The following SLC24A2 variants were observed in gnomAD, a reference collection of about 807,000 sequenced individuals.
SLC24A2 encodes the protein solute carrier family 24 member 2.
A neutral mutation model predicts 62.0 loss-of-function variants in SLC24A2; 36 were observed. The observed-to-expected ratio is 0.58, with a 90% CI of 0.44 to 0.77. SLC24A2 has a LOEUF of 0.77. Ranked by LOEUF, SLC24A2 falls within the 30% of genes least tolerant of loss-of-function variation. The pLI, the probability that SLC24A2 is intolerant of heterozygous loss-of-function variation, is 0.00. For missense variants in SLC24A2, 846 were observed against 817.9 expected, an observed-to-expected ratio of 1.03 and a Z score of -0.42; for synonymous variants, 358 against 294.0, an observed-to-expected ratio of 1.22 and a Z score of -2.23.
At chr9:19,573,963 A>C (rs1835933079) in intron 6 of SLC24A2, among the ~76,000 whole-genome samples, 1 of 152,110 alleles carries the variant, frequency 6.6e-6, no homozygotes, top group Non-Finnish European at 1.5e-5. Context: ...TTGATACTGT[A>C]CTCTGGAAAG....
chr9:19,558,255 C>T (rs1835200287), intron 7 of SLC24A2, among the ~76,000 whole-genome samples: 1 of 152,154 alleles, frequency 6.6e-6, no homozygotes, highest in South Asian at 2.1e-4. Flanking sequence ...ATGCCCTCTT[C>T]TCTCCTTTAG....
At chr9:19,851,037 T>TTG in the SLC24A2 span, among the ~76,000 whole-genome samples, 4 of 111,374 alleles carry the variant, frequency 3.6e-5, no homozygotes, top group African/African-American at 1.4e-4. Context: ...ATTTTTTTTT[T>TTG]TTTTTTTGAG....
the SLC24A2 span, among the ~76,000 whole-genome samples, chr9:20,273,591 C>G: frequency 6.6e-6 from 1 of 152,116 alleles, no homozygotes; most frequent in Non-Finnish European, 1.5e-5. Flanking sequence ...TCTCTCTTTG[C>G]CTGCTGCCAT....
the SLC24A2 span, among the ~76,000 whole-genome samples, chr9:20,005,760 C>G: frequency 6.6e-6 from 1 of 150,598 alleles, no homozygotes. Flanking sequence ...TATGCTGAAG[C>G]CAAAGGCCAG....
chr9:20,134,425 A>G, the SLC24A2 span, among the ~76,000 whole-genome samples: 1 of 152,166 alleles, frequency 6.6e-6, no homozygotes, highest in South Asian at 2.1e-4. Flanking sequence ...ACCTGGAGTC[A>G]CAGAGGCCAG....
chr9:19,881,706 T>G, the SLC24A2 span, among the ~76,000 whole-genome samples: 1 of 152,214 alleles, frequency 6.6e-6, no homozygotes, highest in Non-Finnish European at 1.5e-5. Context: ...TTTTCTCATT[T>G]TATTTTTTGC....
At chr9:20,013,316 G>A in the SLC24A2 span, among the ~76,000 whole-genome samples, 1 of 152,026 alleles carries the variant, frequency 6.6e-6, no homozygotes, top group African/African-American at 2.4e-5. Context: ...GAGAAAGGAT[G>A]GTCTCTTCAA....
chr9:19,822,372 G>A, the SLC24A2 span, among the ~76,000 whole-genome samples: 3 of 152,056 alleles, frequency 2.0e-5, no homozygotes, highest in Non-Finnish European at 1.5e-5. Flanking sequence ...TTGATGATAG[G>A]AATCTTTTCA....
At chr9:20,305,590 A>G in the SLC24A2 span, among the ~76,000 whole-genome samples, 2 of 152,228 alleles carry the variant, frequency 1.3e-5, no homozygotes, top group Non-Finnish European at 2.9e-5. Context: ...GTAAATAAAA[A>G]TAGTTATCCA....
the SLC24A2 span, among the ~76,000 whole-genome samples, chr9:19,914,124 A>T: frequency 4.6e-5 from 7 of 152,002 alleles, no homozygotes; most frequent in Non-Finnish European, 7.4e-5. Flanking sequence ...TTTGGGTTCT[A>T]CCTCAAAATG....
chr9:20,046,289 T>A, the SLC24A2 span, among the ~76,000 whole-genome samples: 1 of 152,156 alleles, frequency 6.6e-6, no homozygotes, highest in Non-Finnish European at 1.5e-5. Flanking sequence ...GCTTCTGAAG[T>A]AAGTAAGGAA....
intron 1 of SLC24A2, among the ~76,000 whole-genome samples, chr9:19,787,619 T>G (rs1823213616): frequency 6.6e-6 from 1 of 152,186 alleles, no homozygotes; most frequent in Non-Finnish European, 1.5e-5. Flanking sequence ...CTCTCCTTTA[T>G]CAGATGCGGG....
the SLC24A2 span, among the ~76,000 whole-genome samples, chr9:20,056,326 G>T: frequency 6.6e-6 from 1 of 152,016 alleles, no homozygotes; most frequent in African/African-American, 2.4e-5. Flanking sequence ...AGATTCAAAG[G>T]GAGTGAAAAG....
the SLC24A2 span, among the ~76,000 whole-genome samples, chr9:20,079,902 A>G: frequency 6.6e-6 from 1 of 152,214 alleles, no homozygotes; most frequent in South Asian, 2.1e-4. Flanking sequence ...TAAAATACCT[A>G]GGAACACAAC....
chr9:19,852,603 C>T, the SLC24A2 span, among the ~76,000 whole-genome samples: 1 of 152,096 alleles, frequency 6.6e-6, no homozygotes, highest in Non-Finnish European at 1.5e-5. Context: ...TTGTTTTTGT[C>T]AGGTTTGTTG....
At chr9:20,139,090 G>C in the SLC24A2 span, among the ~76,000 whole-genome samples, 1 of 152,168 alleles carries the variant, frequency 6.6e-6, no homozygotes, top group Non-Finnish European at 1.5e-5. Flanking sequence ...TGCTACGGAA[G>C]CTGAGAACTC....
At chr9:20,104,304 A>G in the SLC24A2 span, among the ~76,000 whole-genome samples, 20 of 152,254 alleles carry the variant, frequency 1.3e-4, no homozygotes, top group Non-Finnish European at 2.4e-4. Context: ...ACCTTTCCCA[A>G]TCTAGCAAGG....
the SLC24A2 span, among the ~76,000 whole-genome samples, chr9:20,118,048 C>T: frequency 6.6e-6 from 1 of 152,144 alleles, no homozygotes; most frequent in South Asian, 2.1e-4. Context: ...ATTATTACTC[C>T]ATTATAGAAG....
chr9:19,837,147 G>A, the SLC24A2 span, among the ~76,000 whole-genome samples: 27 of 152,094 alleles, frequency 1.8e-4, no homozygotes, highest in African/African-American at 3.6e-4. Context: ...AACTGGAAGC[G>A]TTCCCTTTGA....
Sources: allele counts gnomAD v4.1 joint callset (sites outside exome capture counted in the v4.1 genomes callset), GRCh38; gene constraint gnomAD v4.1.1; transcripts MANE v1.5; gene names NCBI Gene and HGNC (gene_info 2026-07-23, HGNC 2026-07-21).